The following MBNL3 variants were observed in gnomAD, a reference collection of about 807,000 sequenced individuals.
The protein encoded by MBNL3 is muscleblind like splicing regulator 3.
Under a neutral mutation model 24.5 loss-of-function variants are expected in MBNL3, and 6 were observed. The ratio of observed to expected loss-of-function variants is 0.25; its 90% CI spans 0.13 to 0.48. The LOEUF (loss-of-function observed/expected upper bound fraction) is 0.48, where lower values mean the gene tolerates loss of function less well. Ranked by LOEUF, MBNL3 falls within the 20% of genes least tolerant of loss-of-function variation. MBNL3 has a pLI of 0.99. For synonymous variants in MBNL3, 100 were observed against 101.7 expected (o/e 0.98, Z 0.10); for missense variants, 230 against 293.5 (o/e 0.78, Z 1.58).
intron 1 of MBNL3, among the ~76,000 whole-genome samples, chrX:132,444,194 G>T (rs1432877934): frequency 9.1e-6 from 1 of 109,928 alleles, no homozygotes; most frequent in Non-Finnish European, 1.9e-5. Flanking sequence ...GCATTCCCCA[G>T]GTTTTTTGTT....
chrX:132,433,367 T>C (rs1944898721), intron 2 of MBNL3, among the ~76,000 whole-genome samples: 1 of 111,891 alleles, frequency 8.9e-6, no homozygotes, highest in Non-Finnish European at 1.9e-5. Context: ...GGTGGCCACA[T>C]TCCCAGGGGA....
At chrX:132,420,586 G>A (rs970838194) in intron 2 of MBNL3, among the ~76,000 whole-genome samples, 6 of 111,450 alleles carry the variant, frequency 5.4e-5, no homozygotes, top group African/African-American at 2.0e-4. Flanking sequence ...TTAACCTCCT[G>A]TTTTTGCCTA....
intron 1 of MBNL3, among the ~76,000 whole-genome samples, chrX:132,447,362 G>A (rs758771099): frequency 5.4e-5 from 6 of 111,777 alleles, no homozygotes; most frequent in African/African-American, 1.6e-4. Flanking sequence ...CCATTTTCAC[G>A]ATATTGATTC....
chrX:132,413,467 C>T, intron 2 of MBNL3: 1 of 1,149,500 alleles, frequency 8.7e-7, no homozygotes, highest in Non-Finnish European at 1.2e-6. Context: ...CTTGAAAACC[C>T]ATTTTACCTC....
At chrX:132,485,497 A>G (rs1457428734) in intron 1 of MBNL3, among the ~76,000 whole-genome samples, 1 of 112,355 alleles carries the variant, frequency 8.9e-6, no homozygotes, top group Non-Finnish European at 1.9e-5. Context: ...ATTAACATCC[A>G]TTAAGACAAC....
chrX:132,405,246 T>C (rs1407298941), intron 3 of MBNL3, among the ~76,000 whole-genome samples: 1 of 111,629 alleles, frequency 9.0e-6, no homozygotes, highest in Non-Finnish European at 1.9e-5. Flanking sequence ...AAAGCCACTA[T>C]CAAGATCATG....
At chrX:132,409,259 A>T (rs1451632477) in intron 2 of MBNL3, among the ~76,000 whole-genome samples, 2 of 112,241 alleles carry the variant, frequency 1.8e-5, no homozygotes, top group African/African-American at 3.2e-5. Context: ...TTTTTTTTAC[A>T]TCTGTTAACA....
At chrX:132,482,473 A>C (rs778157352) in intron 1 of MBNL3, among the ~76,000 whole-genome samples, 1 of 111,380 alleles carries the variant, frequency 9.0e-6, no homozygotes, top group Non-Finnish European at 1.9e-5. Context: ...TTTTCAACTC[A>C]TCTTCTATGG....
At chrX:132,440,903 A>C (rs1945357429) in intron 1 of MBNL3, among the ~76,000 whole-genome samples, 1 of 112,774 alleles carries the variant, frequency 8.9e-6, no homozygotes, top group Admixed American at 9.3e-5. Context: ...GTATTAGAAA[A>C]ATCAAATAAC....
intron 1 of MBNL3, among the ~76,000 whole-genome samples, chrX:132,461,438 A>G (rs1946624663): frequency 9.0e-6 from 1 of 111,529 alleles, no homozygotes; most frequent in African/African-American, 3.3e-5. Flanking sequence ...TTATTATAGT[A>G]TCAGAGAGGA....
chrX:132,487,188 A>T (rs1948054514), intron 1 of MBNL3, among the ~76,000 whole-genome samples: 1 of 109,806 alleles, frequency 9.1e-6, no homozygotes, highest in South Asian at 3.9e-4. Context: ...ATTTGGTCCG[A>T]AGTCTTTTAG....
At chrX:132,434,747 A>G (rs1945020094) in intron 2 of MBNL3, among the ~76,000 whole-genome samples, 2 of 112,040 alleles carry the variant, frequency 1.8e-5, no homozygotes, top group African/African-American at 6.5e-5. Flanking sequence ...AAAGACAAGG[A>G]AAGACTGGGA....
At chrX:132,396,532 T>G (rs1368863072) in intron 3 of MBNL3, among the ~76,000 whole-genome samples, 5 of 65,121 alleles carry the variant, frequency 7.7e-5, no homozygotes, top group Admixed American at 4.5e-4. Context: ...ATATATATAT[T>G]CATATATATA....
intron 5 of MBNL3, among the ~76,000 whole-genome samples, chrX:132,390,271 A>C (rs1016885334): frequency 5.9e-4 from 59 of 100,213 alleles, no homozygotes; most frequent in African/African-American, 2.0e-3. Flanking sequence ...ACAACAAAAA[A>C]AAAAAAAAAA....
intron 1 of MBNL3, among the ~76,000 whole-genome samples, chrX:132,463,466 AAAAC>A (rs1490102690): frequency 1.8e-5 from 2 of 112,173 alleles, no homozygotes; most frequent in Non-Finnish European, 3.8e-5. Context: ...TCCGTCTCAA[AAAAC>A]AAACAAACAA....
rs775648267 is a variant in MBNL3, at chrX:132,370,787, C to T, written c.*8879G>A. On this transcript the variant is annotated 3_prime_UTR_variant, in exon 9 of 9. Transcript: ENST00000370853. ...GATAAGTTGCTATCATGAGGATTTT[C>T]CAGGGCCAGAGGCCACCATGAGGGA... The T allele has an allele frequency of 1.8e-5, 2 of 111,713 alleles. No homozygotes were observed. Among genetic ancestry groups the T allele is most frequent in the East Asian group, 5.6e-4 (2 of 3,542 alleles). The allele number at this position is 111,713 out of a possible 1,213,427, so 9.2% of individuals were successfully genotyped here. A position where few individuals can be genotyped will look rare whatever the true frequency, so the allele number is the denominator to read the frequency against.
At chrX:132,407,289 C>T (rs1314250252) in intron 2 of MBNL3, among the ~76,000 whole-genome samples, 3 of 111,893 alleles carry the variant, frequency 2.7e-5, no homozygotes, top group Non-Finnish European at 3.8e-5. Flanking sequence ...TGCATTGCAA[C>T]GGCTCTTTTT....
Position 132,369,368 on chromosome X carries a change from A to C in MBNL3, c.*10298T>G, listed in dbSNP as rs1453738821. The C allele has an allele frequency of 8.9e-6, 1 of 112,205 alleles. No individual in the cohort carries two copies. Among genetic ancestry groups the C allele is most frequent in the Non-Finnish European group, 1.9e-5 (1 of 53,255 alleles). 9.2% of individuals were successfully genotyped at this position (112,205 alleles called of 1,213,427 possible). A position where few individuals can be genotyped will look rare whatever the true frequency, so the allele number is the denominator to read the frequency against. ...ATAGTGAAATGGTTAACAAAGGCAC[A>C]TCAATAACCACTTACTATATATACA... On this transcript the variant is annotated 3_prime_UTR_variant, in exon 9 of 9. Transcript: ENST00000370853.
chrX:132,393,687 A>T (rs1288245245), intron 3 of MBNL3, among the ~76,000 whole-genome samples: 1 of 111,629 alleles, frequency 9.0e-6, no homozygotes, highest in Middle Eastern at 4.2e-3. Context: ...GTATATTTCT[A>T]ATAATGACTC....
Sources: allele counts gnomAD v4.1 joint callset (sites outside exome capture counted in the v4.1 genomes callset), GRCh38; gene constraint gnomAD v4.1.1; transcripts MANE v1.5; gene names NCBI Gene and HGNC (gene_info 2026-07-23, HGNC 2026-07-21).